OPRL1: variants seen among roughly 807,000 people sequenced by gnomAD.
The protein encoded by OPRL1 is opioid related nociceptin receptor 1.
Under a neutral mutation model 15.5 loss-of-function variants are expected in OPRL1, and 5 were observed. That is an observed-to-expected ratio of 0.32 (90% CI 0.17 to 0.68). OPRL1 has a LOEUF of 0.68. Ranked by LOEUF, OPRL1 falls within the 30% of genes least tolerant of loss-of-function variation. The pLI, the probability that OPRL1 is intolerant of heterozygous loss-of-function variation, is 0.72. For synonymous variants in OPRL1, 223 were observed against 230.2 expected, an observed-to-expected ratio of 0.97 and a Z score of 0.28; for missense variants, 406 against 515.3, an observed-to-expected ratio of 0.79 and a Z score of 2.05.
chr20:64,093,496 G>GT (rs1174722521), intron 3 of OPRL1, among the ~76,000 whole-genome samples: 2 of 27,668 alleles, frequency 7.2e-5, no homozygotes, highest in Admixed American at 3.2e-4. Context: ...GGGGCAGTGT[G>GT]GGGGCAGTGT....
intron 1 of OPRL1, among the ~76,000 whole-genome samples, chr20:64,088,732 A>AG (rs1227621820): frequency 0.029 from 342 of 11,596 alleles, 56 homozygotes; most frequent in East Asian, 0.039. Flanking sequence ...GGATCTGTGC[A>AG]AGGGGTAGGA....
chr20:64,083,805 C>A lies in OPRL1; in HGVS notation c.-185+3453C>A. 7.4e-7 allele frequency: 1 copy of A among 1,348,326 alleles called. No individual in the cohort carries two copies. Among genetic ancestry groups the A allele is most frequent in the Non-Finnish European group, 9.5e-7 (1 of 1,056,628 alleles). The allele number at this position is 1,348,326 out of a possible 1,614,324, so 83.5% of individuals were successfully genotyped here. On this transcript the variant is annotated intron_variant, in intron 1 of 4. Coordinates refer to ENST00000336866, the MANE Select transcript of OPRL1 (RefSeq NM_182647.4). The surrounding 1 kb of genome is among the most constrained non-coding windows in gnomAD (Gnocchi z 4.9). ...CGGTGCGCCCCCTCTGCCCTCCGAC[C>A]CCCTCGCCTCACCCGCATGCGGGTG...
rs2060099813 is a variant in OPRL1 at position 64,089,522 on chromosome 20, T to C, written c.-184-2444T>C. The stretch of plus-strand genomic sequence containing the variant: ...TTCCTCCCTCTTCTCCCATCCTTCC[T>C]TACCCATCCTCTCTCTTGATCTCTC... On this transcript the variant is annotated intron_variant, in intron 1 of 4. Coordinates refer to ENST00000336866, the MANE Select transcript of OPRL1 (RefSeq NM_182647.4). The surrounding 1 kb of genome is among the most constrained non-coding windows in gnomAD (Gnocchi z 5.5). Among the ~76,000 whole-genome samples, 1 of 152,138 alleles carries C rather than the reference T, an allele frequency of 6.6e-6. No homozygotes were observed. Among genetic ancestry groups the C allele is most frequent in the Admixed American group, 6.5e-5 (1 of 15,274 alleles).
chr20:64,098,888 C>T lies in OPRL1; in HGVS notation c.*89C>T, dbSNP rs1158392052. 1.9e-5 allele frequency: 28 copies of T among 1,456,206 alleles called. No individual in the cohort carries two copies. Among genetic ancestry groups the T allele is most frequent in the Admixed American group, 7.1e-5 (3 of 42,334 alleles). 90.2% of individuals were successfully genotyped at this position (1,456,206 alleles called of 1,614,324 possible). A position where few individuals can be genotyped will look rare whatever the true frequency, so the allele number is the denominator to read the frequency against. ...CTCACACAGGTCACTGCTCTCTAGGCGGACACACCCTGGGCCCTGAGCATC... is the reference window on the plus strand; with the variant it reads ...CTCACACAGGTCACTGCTCTCTAGGTGGACACACCCTGGGCCCTGAGCATC... On this transcript the variant is annotated 3_prime_UTR_variant, in exon 5 of 5. Transcript: ENST00000336866.
chr20:64,086,775 G>A (rs1022050831), intron 1 of OPRL1, among the ~76,000 whole-genome samples: 2 of 152,114 alleles, frequency 1.3e-5, no homozygotes, highest in Non-Finnish European at 2.9e-5. Flanking sequence ...ACAAATGTGC[G>A]GCCTGGTGAC....
rs1979491367 is a variant in OPRL1, at chr20:64,098,653, G to T, written c.967G>T (p.Asp323Tyr). Residue 323 changes from aspartate to tyrosine, a missense_variant, in exon 5 of 5, where the codon GAT becomes TAT. By Grantham distance (160) the Asp-to-Tyr change is radical (BLOSUM62 -3). Coordinates refer to ENST00000336866, the MANE Select transcript of OPRL1 (RefSeq NM_182647.4). Reference protein sequence around the residue: ...CLNPILYAFLDENFKACFRKF... With the variant: ...CLNPILYAFLYENFKACFRKF... ...CAACCCCATCCTCTACGCCTTCCTG[G>T]ATGAGAACTTCAAGGCCTGCTTCCG... 1 of 1,612,940 alleles carries T rather than the reference G, an allele frequency of 6.2e-7. No homozygotes were observed. Among genetic ancestry groups the T allele is most frequent in the East Asian group, 2.2e-5 (1 of 44,888 alleles).
In OPRL1 at chr20:64,091,960, C is replaced by T. The variant is rs998949887; in HGVS notation, c.-184-6C>T. ...GGAGCTGCAGCCTCCTCCCCCTCCC[C>T]CCCAGCTTCGGGCTGCCGGCTCACT... On this transcript the variant is annotated splice_region_variant and splice_polypyrimidine_tract_variant and intron_variant, in intron 1 of 4. Coordinates refer to ENST00000336866, the MANE Select transcript of OPRL1 (RefSeq NM_182647.4). The T allele has an allele frequency of 1.3e-5, 2 of 152,996 alleles. No homozygotes were observed. The highest frequency in any genetic ancestry group is 6.5e-5 in the Admixed American group (1 of 15,294). The allele number at this position is 152,996 out of a possible 1,614,324, so 9.5% of individuals were successfully genotyped here.
intron 1 of OPRL1, chr20:64,084,293 C>A: frequency 7.7e-7 from 1 of 1,304,774 alleles, no homozygotes; most frequent in Non-Finnish European, 9.7e-7. Context: ...CGCCCCTCGG[C>A]AGGGCCCCAA....
intron 1 of OPRL1, among the ~76,000 whole-genome samples, chr20:64,088,070 C>T (rs1191832972): frequency 1.3e-5 from 2 of 152,240 alleles, no homozygotes; most frequent in Non-Finnish European, 2.9e-5. Context: ...CTGCCTCCTG[C>T]GGGGCTCTGC....
At chr20:64,085,356 C>T (rs1199643748) in intron 1 of OPRL1, among the ~76,000 whole-genome samples, 2 of 152,198 alleles carry the variant, frequency 1.3e-5, no homozygotes, top group Non-Finnish European at 2.9e-5. Flanking sequence ...TGGGGCAGAA[C>T]TCAGGACCCC....
chr20:64,091,603 C>T (rs1036950756), intron 1 of OPRL1, among the ~76,000 whole-genome samples: 2 of 152,116 alleles, frequency 1.3e-5, no homozygotes, highest in African/African-American at 2.4e-5. Flanking sequence ...TTCGGTGTGC[C>T]GGGAGCCCAG....
rs77981578 is a variant in OPRL1, at chr20:64,088,781, G to T, written c.-184-3185G>T. Among the ~76,000 whole-genome samples the T allele has an allele frequency of 2.6e-3, 156 of 59,090 alleles. 4 individuals carry two copies. The highest frequency in any genetic ancestry group is 5.4e-3 in the Admixed American group (25 of 4,672). The allele number at this position is 59,090 out of a possible 152,430, so 38.8% of individuals were successfully genotyped here. Reference sequence around the variant, plus strand: ...GCCAGGATCTGTGCAGGGAGGGTAGGATCTGTGCAGAGTGGCCAGGATCTG... The same window carrying T: ...GCCAGGATCTGTGCAGGGAGGGTAGTATCTGTGCAGAGTGGCCAGGATCTG... On this transcript the variant is annotated intron_variant, in intron 1 of 4. Transcript: ENST00000336866.
chr20:64,088,994 A>G (rs376379780), intron 1 of OPRL1, among the ~76,000 whole-genome samples: 2 of 112,736 alleles, frequency 1.8e-5, no homozygotes, highest in Non-Finnish European at 3.7e-5. Flanking sequence ...TGCAGGGGGG[A>G]CAGGTTGTGT....
At chr20:64,088,732 A>AGAGTGGCCAGGATCTGTGC (rs1227621820) in intron 1 of OPRL1, among the ~76,000 whole-genome samples, 1 of 12,582 alleles carries the variant, frequency 7.9e-5, no homozygotes, top group African/African-American at 2.6e-4. Flanking sequence ...GGATCTGTGC[A>AGAGTGGCCAGGATCTGTGC]AGGGGTAGGA....
chr20:64,082,490 C>T (rs1485942026), intron 1 of OPRL1, among the ~76,000 whole-genome samples: 1 of 152,176 alleles, frequency 6.6e-6, no homozygotes, highest in Non-Finnish European at 1.5e-5. Context: ...AGCAGGATCC[C>T]TTCTGGACCC....
rs763850004 is a variant in OPRL1, at chr20:64,092,969, A to G, written c.233+16A>G. On this transcript the variant is annotated intron_variant, in intron 3 of 4. Transcript: ENST00000336866. ...TCATCCTCAGGTAGGCTGGGCCCCA[A>G]GGTTCCTGTCTGGTGAGTCCCACAC... 6.2e-7 allele frequency: 1 copy of G among 1,608,742 alleles called. No homozygotes were observed. Among genetic ancestry groups the G allele is most frequent in the Admixed American group, 1.7e-5 (1 of 59,962 alleles).
At chr20:64,096,712 A>C (rs1048308645) in intron 3 of OPRL1, among the ~76,000 whole-genome samples, 1 of 151,860 alleles carries the variant, frequency 6.6e-6, no homozygotes, top group African/African-American at 2.4e-5. Flanking sequence ...CACAATCATC[A>C]CCATCACCAC....
intron 1 of OPRL1, among the ~76,000 whole-genome samples, chr20:64,080,728 A>C (rs928031535): frequency 2.0e-5 from 3 of 151,896 alleles, no homozygotes; most frequent in Non-Finnish European, 4.4e-5. Context: ...CCTGCTCTGG[A>C]AGTGTCTGCA....
chr20:64,080,755 C>T (rs1290312099), intron 1 of OPRL1, among the ~76,000 whole-genome samples: 3 of 152,202 alleles, frequency 2.0e-5, no homozygotes, highest in South Asian at 2.1e-4. Flanking sequence ...CTGTGCCCCC[C>T]GCCCCTCCCC....
Sources: gnomAD v4.1 joint callset for allele counts (sites outside exome capture counted in the v4.1 genomes callset) on GRCh38, gnomAD v4.1.1 for gene constraint, Gnocchi (gnomAD v3.1) non-coding constraint, MANE v1.5 for transcripts, NCBI Gene and HGNC (gene_info 2026-07-23, HGNC 2026-07-21) for gene names.